Variants in WDFY4 observed in about 807,000 individuals in gnomAD.
WDFY4 encodes the protein WD repeat- and FYVE domain-containing protein 4.
In WDFY4, 169 loss-of-function variants were observed where a neutral mutation model predicts 351.9. The ratio of observed to expected loss-of-function variants is 0.48; its 90% CI spans 0.42 to 0.55. The LOEUF is 0.55. WDFY4 is among the 20% of genes least tolerant of loss of function. WDFY4 has a pLI of 0.00. For synonymous variants in WDFY4, 1,622 were observed against 1,574.6 expected (o/e 1.03, Z -0.71); for missense variants, 3,803 against 3,935.6 (o/e 0.97, Z 0.90).
chr10:48,930,106 A>G (rs192595570), intron 47 of WDFY4, among the ~76,000 whole-genome samples: 82 of 152,110 alleles, frequency 5.4e-4, no homozygotes, highest in African/African-American at 1.9e-3. Context: ...CCCTTGGTCA[A>G]TACTAGTTTA....
chr10:48,874,872 AT>A (rs2069934334), intron 41 of WDFY4, among the ~76,000 whole-genome samples: 1 of 152,144 alleles, frequency 6.6e-6, no homozygotes, highest in Non-Finnish European at 1.5e-5. Context: ...TTAATGGAAG[AT>A]TGTGGGTTTT....
chr10:48,858,584 G>A (rs967298804), intron 39 of WDFY4, among the ~76,000 whole-genome samples: 10 of 152,104 alleles, frequency 6.6e-5, no homozygotes, highest in South Asian at 2.1e-4. Flanking sequence ...TCTCAGTACC[G>A]CACATTCTCA....
rs912418231 is a variant in WDFY4 at position 48,957,271 on chromosome 10, G to A, written c.8120G>A (p.Gly2707Glu). ...YLPEFLTNCN[G>E]VEFGCMQDGT... ...CCTGAGTTCTTAACCAACTGCAACG[G>A]GGTAGAGTTCGGTAAGTGGAGGCCT... The change falls in exon 52 of 62, where the codon GGG becomes GAG. Residue 2707 changes from glycine to glutamate, a missense_variant. Transcript: ENST00000325239. 3 of 1,551,230 alleles carry A rather than the reference G, an allele frequency of 1.9e-6. No homozygotes were observed. Among genetic ancestry groups the A allele is most frequent in the Non-Finnish European group, 2.6e-6 (3 of 1,146,596 alleles).
Position 48,826,716 on chromosome 10 carries a change from T to C in WDFY4, c.6028T>C (p.Leu2010=). ...TCAAAGGGACACTGTCCTCAGCACTTTATACAGCAGTTTAAATAAAGTCAT... is the reference window on the plus strand; with the variant it reads ...TCAAAGGGACACTGTCCTCAGCACTCTATACAGCAGTTTAAATAAAGTCAT... ...SSQRDTVLST[L]YSSLNKVILY... The change falls in exon 36 of 62, where the codon TTA becomes CTA. Residue 2010 remains leucine (L), a synonymous_variant. Coordinates refer to ENST00000325239, the MANE Select transcript of WDFY4 (RefSeq NM_001394531.1). The C allele has an allele frequency of 6.4e-7, 1 of 1,551,776 alleles. No homozygotes were observed. The highest frequency in any genetic ancestry group is 8.7e-7 in the Non-Finnish European group (1 of 1,147,000).
intron 29 of WDFY4, 52 bp from the exon 30 acceptor site, chr10:48,811,487 G>T: frequency 6.6e-7 from 1 of 1,525,074 alleles, no homozygotes; most frequent in South Asian, 1.2e-5. Flanking sequence ...GCCCCACCTT[G>T]ACCAGCAGCT....
chr10:48,957,126 C>T lies in WDFY4; in HGVS notation c.7978-3C>T, dbSNP rs1171334821. On this transcript the variant is annotated splice_region_variant and splice_polypyrimidine_tract_variant and intron_variant, in intron 51 of 61. Transcript: ENST00000325239. The stretch of plus-strand genomic sequence containing the variant: ...CTGGTCATGTTGGCTCCATTTCCCC[C>T]AGGGCGGAAGCTTCGACGTGGCAGA... 1.3e-6 allele frequency: 2 copies of T among 1,548,134 alleles called. No homozygotes were observed. Among genetic ancestry groups the T allele is most frequent in the East Asian group, 2.4e-5 (1 of 40,830 alleles).
chr10:48,928,495 A>G (rs957038094), intron 47 of WDFY4, among the ~76,000 whole-genome samples: 6 of 151,918 alleles, frequency 3.9e-5, no homozygotes, highest in Admixed American at 3.3e-4. Context: ...TAGAAACCCT[A>G]TTCAGACCCT....
intron 47 of WDFY4, among the ~76,000 whole-genome samples, chr10:48,926,946 T>C (rs948689371): frequency 2.0e-5 from 3 of 152,164 alleles, no homozygotes; most frequent in African/African-American, 7.2e-5. Flanking sequence ...ACATGGAGTG[T>C]GAGTCAAGAG....
At chr10:48,734,207 G>C (rs959032923) in intron 10 of WDFY4, among the ~76,000 whole-genome samples, 172 bp downstream of exon 10, 10 of 152,200 alleles carry the variant, frequency 6.6e-5, no homozygotes, top group African/African-American at 2.2e-4. Context: ...TAAATTCGTA[G>C]ATACTATACC....
At chr10:48,768,377 G>T (rs1387931332) in intron 13 of WDFY4, among the ~76,000 whole-genome samples, 1 of 152,012 alleles carries the variant, frequency 6.6e-6, no homozygotes, top group East Asian at 1.9e-4. Context: ...GCACCCGAGG[G>T]CCCGAATGTT....
intron 43 of WDFY4, among the ~76,000 whole-genome samples, chr10:48,881,866 G>A (rs1031208345): frequency 1.3e-5 from 2 of 152,088 alleles, no homozygotes; most frequent in African/African-American, 2.4e-5. Flanking sequence ...GTCCTGGTGC[G>A]CCCATCCCCA....
chr10:48,966,598 G>C lies in WDFY4; in HGVS notation c.8509G>C (p.Val2837Leu). ...PLPGKDVSTPVSLPGHPQPFF... is the reference protein window; with the variant it reads ...PLPGKDVSTPLSLPGHPQPFF... ...GCCTGGAAAGGATGTCTCCACCCCC[G>C]TGAGCCTGCCTGGCCACCCACAGCC... The change falls in exon 55 of 62, where the codon GTG becomes CTG. Residue 2837 changes from valine (V) to leucine (L), a missense_variant. Around this residue, in one of 3 missense-constraint regions of WDFY4, gnomAD observed 3,054 missense variants for 3,148.6 expected, o/e 0.97. Transcript: ENST00000325239. 1 of 1,551,944 alleles carries C rather than the reference G, an allele frequency of 6.4e-7. No individual in the cohort carries two copies.
chr10:48,912,365 G>A (rs1425081313), intron 47 of WDFY4, among the ~76,000 whole-genome samples: 2 of 152,332 alleles, frequency 1.3e-5, no homozygotes, highest in Non-Finnish European at 2.9e-5. Flanking sequence ...CCCACTTCAC[G>A]AGTGAGGGAA....
intron 57 of WDFY4, among the ~76,000 whole-genome samples, chr10:48,974,443 C>T (rs1399153390): frequency 7.6e-6 from 1 of 131,210 alleles, no homozygotes; most frequent in Non-Finnish European, 1.5e-5. Flanking sequence ...GCAAAGGCTG[C>T]AGTGAACTGA....
intron 39 of WDFY4, among the ~76,000 whole-genome samples, chr10:48,849,862 G>A (rs78313994): frequency 0.02 from 3,085 of 152,266 alleles, 118 homozygotes; most frequent in African/African-American, 0.07. Context: ...ATTACATATA[G>A]TTATCTTATC....
chr10:48,726,132 G>T, intron 6 of WDFY4, 62 bp downstream of exon 6: 1 of 1,493,484 alleles, frequency 6.7e-7, no homozygotes, highest in Non-Finnish European at 9.0e-7. Context: ...TGAACTCAGA[G>T]CAAAGGCTGA....
chr10:48,775,763 C>A lies in WDFY4; in HGVS notation c.2820C>A (p.Ile940=), dbSNP rs773681696. ...IPSSLSATTK[I]LDSSHTHRGN... ...CATCTCTGTCGGCCACAACAAAAAT[C>A]CTTGATTCATCTCACACACACAGAG... is the stretch of plus-strand genomic sequence containing the variant. The change falls in exon 15 of 62, where the codon ATC becomes ATA. Residue 940 remains isoleucine, a synonymous_variant. Coordinates refer to ENST00000325239, the MANE Select transcript of WDFY4 (RefSeq NM_001394531.1). 6.4e-7 allele frequency: 1 copy of A among 1,551,626 alleles called. No individual in the cohort carries two copies. The highest frequency in any genetic ancestry group is 1.4e-5 in the African/African-American group (1 of 73,052).
chr10:48,854,165 A>C (rs2069055069), intron 39 of WDFY4, among the ~76,000 whole-genome samples: 2 of 149,766 alleles, frequency 1.3e-5, no homozygotes, highest in African/African-American at 4.9e-5. Flanking sequence ...GCTGGAGTAC[A>C]GTGGTGCGAT....
At chr10:48,981,319 G>A (rs1393784168) in intron 60 of WDFY4, 48 bp from the exon 61 acceptor site, 1 of 1,522,174 alleles carries the variant, frequency 6.6e-7, no homozygotes, top group Non-Finnish European at 8.9e-7. Context: ...CACTGTATGT[G>A]CGAAGCCGAT....
Sources: gnomAD v4.1 joint callset for allele counts (sites outside exome capture counted in the v4.1 genomes callset) on GRCh38, gnomAD v4.1.1 for gene constraint, gnomAD v4.1.1 regional missense constraint, MANE v1.5 for transcripts, NCBI Gene and HGNC (gene_info 2026-07-23, HGNC 2026-07-21) for gene names.